Variants in C8orf34 observed in about 807,000 individuals in gnomAD.
C8orf34 encodes uncharacterized protein C8orf34.
C8orf34 carries 65 observed loss-of-function variants against 68.3 expected under a neutral mutation model. That is an observed-to-expected ratio of 0.95 (90% confidence interval 0.78 to 1.17). The LOEUF is 1.17. Among genes scored for constraint, C8orf34 ranks in the 50% most tolerant of loss-of-function variants. The probability of loss-of-function intolerance (pLI) is 0.00; values close to 1 mark genes in which losing one functional copy is unlikely to be tolerated. For synonymous variants in C8orf34, 244 were observed against 241.2 expected (o/e 1.01, Z -0.11); for missense variants, 664 against 655.4 (o/e 1.01, Z -0.14).
intron 1 of C8orf34, among the ~76,000 whole-genome samples, chr8:68,343,014 T>A (rs1023705669): frequency 6.6e-6 from 1 of 152,178 alleles, no homozygotes; most frequent in Non-Finnish European, 1.5e-5. Flanking sequence ...TTTGGTACTG[T>A]ATATAGTTTC....
At chr8:68,806,725 A>G (rs1362357635) in intron 12 of C8orf34, among the ~76,000 whole-genome samples, 2 of 152,174 alleles carry the variant, frequency 1.3e-5, no homozygotes, top group Non-Finnish European at 2.9e-5. Flanking sequence ...TATGTTTGGT[A>G]GCTGTGGATT....
At chr8:68,436,579 G>A (rs1349072953) in intron 1 of C8orf34, among the ~76,000 whole-genome samples, 5 of 152,036 alleles carry the variant, frequency 3.3e-5, no homozygotes, top group Admixed American at 1.3e-4. Flanking sequence ...TTCTCCCAGG[G>A]AATCTCATGT....
intron 12 of C8orf34, among the ~76,000 whole-genome samples, chr8:68,808,940 A>AT (rs11397304): frequency 0.33 from 50,660 of 151,832 alleles, 10,119 homozygotes; most frequent in African/African-American, 0.55. Flanking sequence ...GTTCACTGTA[A>AT]TTACTAATGA....
chr8:68,778,916 C>A (rs1823594889), intron 11 of C8orf34, among the ~76,000 whole-genome samples: 1 of 152,066 alleles, frequency 6.6e-6, no homozygotes, highest in Admixed American at 6.6e-5. Context: ...GTGGCTCATG[C>A]CTGTAATCCT....
At chr8:68,737,145 T>C (rs1822144586) in intron 10 of C8orf34, among the ~76,000 whole-genome samples, 1 of 152,102 alleles carries the variant, frequency 6.6e-6, no homozygotes, top group Admixed American at 6.6e-5. Context: ...AAAACATGCT[T>C]CTAGAACAGG....
intron 5 of C8orf34, among the ~76,000 whole-genome samples, chr8:68,497,604 A>C (rs561062435): frequency 1.3e-5 from 2 of 152,316 alleles, no homozygotes; most frequent in East Asian, 1.9e-4. Context: ...GAGTAGAAAA[A>C]CCAAAATGTC....
rs932404430 is a variant in C8orf34, at chr8:68,618,022, G to GT, written c.1106-22347dup. The stretch of plus-strand genomic sequence containing the variant: ...TTTCTTTTATGCCTTTTTCTATTGT[G>GT]TTTTTTTATTTGGACCATCTATACC... On this transcript the variant is annotated intron_variant, in intron 7 of 13. Coordinates refer to ENST00000518698, the MANE Select transcript of C8orf34 (RefSeq NM_052958.4). Among the ~76,000 whole-genome samples, 8 of 151,896 alleles carry GT rather than the reference G, an allele frequency of 5.3e-5. No individual in the cohort carries two copies. The East Asian group carries it at 7.8e-4, about 15-fold the overall frequency.
intron 12 of C8orf34, among the ~76,000 whole-genome samples, chr8:68,810,418 C>T (rs1459876918): frequency 6.6e-6 from 1 of 152,188 alleles, no homozygotes; most frequent in Non-Finnish European, 1.5e-5. Context: ...CCAGGAACCA[C>T]AGAGCCCCAA....
At chr8:68,716,874 T>TAC (rs1435176009) in intron 9 of C8orf34, among the ~76,000 whole-genome samples, 18 of 151,904 alleles carry the variant, frequency 1.2e-4, no homozygotes, top group Non-Finnish European at 2.4e-4. Context: ...GAAATTTTTT[T>TAC]ATGCAGTAGA....
intron 7 of C8orf34, among the ~76,000 whole-genome samples, chr8:68,628,313 A>G (rs1302737712): frequency 1.3e-5 from 2 of 152,158 alleles, no homozygotes; most frequent in Non-Finnish European, 2.9e-5. Flanking sequence ...TGCTGAATTC[A>G]TATTTAAGGT....
At chr8:68,524,246 T>C (rs1563506455) in intron 6 of C8orf34, among the ~76,000 whole-genome samples, 2 of 152,226 alleles carry the variant, frequency 1.3e-5, no homozygotes, top group African/African-American at 4.8e-5. Context: ...ATAAATGGCA[T>C]AATAAACCTT....
rs571107680 is a variant in C8orf34, at chr8:68,467,908, C to T, written c.608-784C>T. ...AGTTTTACAATGTTTTCTTTATTGC[C>T]ACTATTAAACCATTTTTTAAAAAAA... On this transcript the variant is annotated intron_variant, in intron 3 of 13. Coordinates refer to ENST00000518698, the MANE Select transcript of C8orf34 (RefSeq NM_052958.4). 3.0e-3 allele frequency among the ~76,000 whole-genome samples: 459 copies of T among 151,910 alleles called. 1 individual carries two copies. The highest frequency in any genetic ancestry group is 4.4e-3 in the Non-Finnish European group (299 of 67,912).
rs949342710 is a variant in C8orf34, at chr8:68,430,144, A to G, written c.328-9355A>G. Among the ~76,000 whole-genome samples the G allele has an allele frequency of 2.6e-5, 4 of 152,168 alleles. No homozygotes were observed. In the East Asian group the frequency reaches 5.8e-4, roughly 22 times the overall value. On this transcript the variant is annotated intron_variant, in intron 1 of 13. Transcript: ENST00000518698. ...TCACCAATGGCCAATGATTTAATCA[A>G]TCATGACTGTGTAATGAAACCTCCA...
intron 9 of C8orf34, 82 bp from the exon 10 acceptor site, chr8:68,721,279 C>A: frequency 2.3e-6 from 2 of 852,162 alleles, no homozygotes; most frequent in Non-Finnish European, 3.6e-6. Flanking sequence ...TCATTTTATT[C>A]TTCTCACAAC....
chr8:68,356,898 T>C (rs1358685001), intron 1 of C8orf34, among the ~76,000 whole-genome samples: 1 of 152,112 alleles, frequency 6.6e-6, no homozygotes, highest in Non-Finnish European at 1.5e-5. Flanking sequence ...TCCTTCACTG[T>C]TTGGAGATAT....
intron 7 of C8orf34, among the ~76,000 whole-genome samples, chr8:68,576,796 T>C (rs1377495519): frequency 1.3e-5 from 2 of 152,050 alleles, no homozygotes; most frequent in South Asian, 2.1e-4. Flanking sequence ...ACTTTTTCTT[T>C]CCACATTTGT....
intron 1 of C8orf34, among the ~76,000 whole-genome samples, chr8:68,404,780 T>G (rs1371127603): frequency 2.0e-5 from 3 of 152,124 alleles, no homozygotes; most frequent in African/African-American, 7.2e-5. Flanking sequence ...ACTGTAGGCT[T>G]GTAGTATAGT....
At chr8:68,395,674 A>G (rs1563403376) in intron 1 of C8orf34, among the ~76,000 whole-genome samples, 2 of 152,162 alleles carry the variant, frequency 1.3e-5, no homozygotes, top group Non-Finnish European at 2.9e-5. Flanking sequence ...TTAGGAGTTC[A>G]TAGTCTATGA....
intron 8 of C8orf34, among the ~76,000 whole-genome samples, chr8:68,659,229 C>T (rs1012161069): frequency 1.1e-4 from 16 of 152,144 alleles, no homozygotes; most frequent in African/African-American, 3.6e-4. Flanking sequence ...TTGAGCCATC[C>T]CTGGGTTTTA....
Sources: gnomAD v4.1 joint callset for allele counts (sites outside exome capture counted in the v4.1 genomes callset) on GRCh38, gnomAD v4.1.1 for gene constraint, MANE v1.5 for transcripts, NCBI Gene and HGNC (gene_info 2026-07-23, HGNC 2026-07-21) for gene names.